The following HECTD2 variants were observed in gnomAD, a reference collection of about 807,000 sequenced individuals.
HECTD2 encodes the protein probable E3 ubiquitin-protein ligase HECTD2.
Under a neutral mutation model 103.2 loss-of-function variants are expected in HECTD2, and 35 were observed. The ratio of observed to expected loss-of-function variants is 0.34; its 90% CI spans 0.26 to 0.45. The LOEUF (loss-of-function observed/expected upper bound fraction) is 0.45. Among genes scored for constraint, HECTD2 ranks in the 20% least tolerant of loss-of-function variants. HECTD2 has a pLI of 1.00. For missense variants in HECTD2, 596 were observed against 937.4 expected (o/e 0.64, Z 4.76); for synonymous variants, 281 against 329.9 (o/e 0.85, Z 1.61).
At chr10:91,504,025 C>T (rs896382074) in intron 20 of HECTD2, among the ~76,000 whole-genome samples, 3 of 152,184 alleles carry the variant, frequency 2.0e-5, no homozygotes, top group Admixed American at 6.5e-5. Flanking sequence ...ACACTGACAC[C>T]TCACACTGCA....
intron 2 of HECTD2, among the ~76,000 whole-genome samples, chr10:91,431,650 C>A (rs1172857978): frequency 1.3e-5 from 2 of 151,998 alleles, no homozygotes; most frequent in Non-Finnish European, 2.9e-5. Context: ...TCACTGATAC[C>A]CTTTCTTCCA....
intron 2 of HECTD2, among the ~76,000 whole-genome samples, chr10:91,430,258 T>G (rs1442785504): frequency 6.6e-6 from 1 of 152,156 alleles, no homozygotes; most frequent in Non-Finnish European, 1.5e-5. Flanking sequence ...TTGTTATAAT[T>G]TCTGTTCTTT....
At chr10:91,502,706 C>T (rs987282365) in intron 20 of HECTD2, among the ~76,000 whole-genome samples, 69 of 152,040 alleles carry the variant, frequency 4.5e-4, no homozygotes, top group Middle Eastern at 3.4e-3. Flanking sequence ...TTTTGCATAA[C>T]AGAAGTTAAT....
chr10:91,509,077 G>GAAC (rs1847316154), intron 20 of HECTD2, among the ~76,000 whole-genome samples: 1 of 139,976 alleles, frequency 7.1e-6, no homozygotes. Context: ...TGAACAGTGA[G>GAAC]ATCACATGGA....
chr10:91,429,689 A>G lies in HECTD2; in HGVS notation c.268+4279A>G, dbSNP rs200657287. On this transcript the variant is annotated intron_variant, in intron 2 of 20. Coordinates refer to ENST00000298068, the MANE Select transcript of HECTD2 (RefSeq NM_182765.6). Reference sequence around the variant, plus strand: ...GTAGAGGTGTTTGTAGTATTCTCTGATGGTAGTTTGTATTTCTGTGGGATC... The same window carrying G: ...GTAGAGGTGTTTGTAGTATTCTCTGGTGGTAGTTTGTATTTCTGTGGGATC... 3.9e-5 allele frequency among the ~76,000 whole-genome samples: 6 copies of G among 151,976 alleles called. No homozygotes were observed. The East Asian group carries it at 1.2e-3, about 29-fold the overall frequency.
chr10:91,475,953 ACT>A (rs1278526968), intron 5 of HECTD2, among the ~76,000 whole-genome samples: 2 of 152,046 alleles, frequency 1.3e-5, no homozygotes, highest in East Asian at 1.9e-4. Context: ...CCCCAACTTC[ACT>A]CTCTTTTCTT....
chr10:91,499,089 A>G lies in HECTD2; in HGVS notation c.1889A>G (p.Tyr630Cys). The G allele has an allele frequency of 1.2e-6, 2 of 1,613,258 alleles. No individual in the cohort carries two copies. The highest frequency in any genetic ancestry group is 2.2e-5 in the South Asian group (2 of 91,044). ...YTDFLLNKSI[Y>C]KQFAAFYYGF... The stretch of plus-strand genomic sequence containing the variant: ...GACTTCCTTCTGAACAAATCCATCT[A>G]TAAGCAGTTTGCTGCATTTTATTAT... Residue 630 changes from tyrosine to cysteine, a missense_variant, in exon 18 of 21, where the codon TAT (tyrosine) becomes TGT (cysteine). Tyr to Cys is a radical substitution (Grantham distance 194). Transcript: ENST00000298068.
intron 2 of HECTD2, among the ~76,000 whole-genome samples, chr10:91,432,824 C>G (rs1843945622): frequency 6.6e-6 from 1 of 151,840 alleles, no homozygotes; most frequent in African/African-American, 2.4e-5. Context: ...TTTACACCCC[C>G]TAGAGAAAAG....
chr10:91,455,628 T>C (rs1454439390), intron 2 of HECTD2, among the ~76,000 whole-genome samples: 7 of 152,194 alleles, frequency 4.6e-5, no homozygotes, highest in South Asian at 4.1e-4. Context: ...TTTTGTGTTT[T>C]AGACATGAAG....
chr10:91,502,159 T>TTAAG (rs1419464681), intron 20 of HECTD2, among the ~76,000 whole-genome samples: 1 of 152,184 alleles, frequency 6.6e-6, no homozygotes, highest in Admixed American at 6.5e-5. Context: ...TATTGCCAGT[T>TTAAG]TAAGTTCTAG....
At chr10:91,430,299 G>C (rs576496941) in intron 2 of HECTD2, among the ~76,000 whole-genome samples, 137 of 152,034 alleles carry the variant, frequency 9.0e-4, no homozygotes, top group East Asian at 5.6e-3. Context: ...TTACTTCCAA[G>C]TATGTGGTCA....
chr10:91,513,495 A>G lies in HECTD2; in HGVS notation c.*1111A>G. ...TTTCACTGGATTCTGAATATAATAA[A>G]TTCAAAGTACCCTTTTTTTAGAGTT... On this transcript the variant is annotated 3_prime_UTR_variant, in exon 21 of 21. Transcript: ENST00000298068. 6.6e-6 allele frequency: 1 copy of G among 152,628 alleles called. No individual in the cohort carries two copies. The highest frequency in any genetic ancestry group is 1.9e-4 in the East Asian group (1 of 5,200). The allele number at this position is 152,628 out of a possible 1,614,324, so 9.5% of individuals were successfully genotyped here. A position where few individuals can be genotyped will look rare whatever the true frequency, so the allele number is the denominator to read the frequency against.
intron 9 of HECTD2, 124 bp downstream of exon 9, chr10:91,484,779 G>A: frequency 1.4e-6 from 1 of 724,084 alleles, no homozygotes; most frequent in Non-Finnish European, 2.1e-6. Context: ...GAAGGAAAGA[G>A]TTGTAATTTA....
At position 91,410,392 on chromosome 10, in the gene HECTD2, C is replaced by T. The variant is rs1447127852; in HGVS notation, c.-47C>T. The T allele has an allele frequency of 1.5e-6, 2 of 1,297,100 alleles. No individual in the cohort carries two copies. Among genetic ancestry groups the T allele is most frequent in the Non-Finnish European group, 2.0e-6 (2 of 1,014,436 alleles). The allele number at this position is 1,297,100 out of a possible 1,614,324, so 80.3% of individuals were successfully genotyped here. A position where few individuals can be genotyped will look rare whatever the true frequency, so the allele number is the denominator to read the frequency against. ...GCAGCAGCAGCGCCAGCCCCAGCAACACTGAGGCCGCCGCCGCCGCCTGGC... is the reference window on the plus strand; with the variant it reads ...GCAGCAGCAGCGCCAGCCCCAGCAATACTGAGGCCGCCGCCGCCGCCTGGC... On this transcript the variant is annotated 5_prime_UTR_variant, in exon 1 of 21. Coordinates refer to ENST00000298068, the MANE Select transcript of HECTD2 (RefSeq NM_182765.6).
intron 2 of HECTD2, among the ~76,000 whole-genome samples, chr10:91,456,982 A>G (rs1845127969): frequency 6.6e-6 from 1 of 152,094 alleles, no homozygotes; most frequent in Non-Finnish European, 1.5e-5. Context: ...AGTATGATAA[A>G]TGAAATAGGA....
chr10:91,457,797 A>C (rs1194969345), intron 2 of HECTD2, among the ~76,000 whole-genome samples: 1 of 151,956 alleles, frequency 6.6e-6, no homozygotes, highest in African/African-American at 2.4e-5. Flanking sequence ...AATCAAAGGG[A>C]GTACCCTTAT....
chr10:91,461,141 C>A, intron 3 of HECTD2, 113 bp from the exon 4 acceptor site: 1 of 529,492 alleles, frequency 1.9e-6, no homozygotes. Flanking sequence ...GGACATATTT[C>A]TTTATTTGGC....
intron 2 of HECTD2, among the ~76,000 whole-genome samples, chr10:91,451,063 C>T (rs1844799917): frequency 6.6e-6 from 1 of 152,126 alleles, no homozygotes; most frequent in South Asian, 2.1e-4. Flanking sequence ...TATAAAGACA[C>T]ATGCACACAT....
At position 91,514,752 on chromosome 10, in the gene HECTD2, ACAGT is replaced by A. The variant is rs528133804; in HGVS notation, c.*2376_*2379del. On this transcript the variant is annotated 3_prime_UTR_variant, in exon 21 of 21. Coordinates refer to ENST00000298068, the MANE Select transcript of HECTD2 (RefSeq NM_182765.6). ...GCAATTTTTCAAATATTAAAATTAT[ACAGT>A]CAGTCAGGCTTCAGTTTATTTTTTG... The A allele has an allele frequency of 7.4e-4, 113 of 152,730 alleles. No individual in the cohort carries two copies. Among genetic ancestry groups the A allele is most frequent in the African/African-American group, 2.1e-3 (87 of 41,580 alleles). 9.5% of individuals were successfully genotyped at this position (152,730 alleles called of 1,614,324 possible). A position where few individuals can be genotyped will look rare whatever the true frequency, so the allele number is the denominator to read the frequency against.
Sources: allele counts gnomAD v4.1 joint callset (sites outside exome capture counted in the v4.1 genomes callset), GRCh38; gene constraint gnomAD v4.1.1; transcripts MANE v1.5; gene names NCBI Gene and HGNC (gene_info 2026-07-23, HGNC 2026-07-21).